PELI1: variants seen among roughly 807,000 people sequenced by gnomAD.
The protein encoded by PELI1 is E3 ubiquitin-protein ligase pellino homolog 1.
Under a neutral mutation model 41.3 loss-of-function variants are expected in PELI1, and 15 were observed. The ratio of observed to expected loss-of-function variants is 0.36; its 90% CI spans 0.24 to 0.56. The LOEUF is 0.56. PELI1 is among the 20% of genes least tolerant of loss of function. The pLI, the probability that PELI1 is intolerant of heterozygous loss-of-function variation, is 0.82. For synonymous variants in PELI1, 178 were observed against 180.1 expected (o/e 0.99, Z 0.09); for missense variants, 403 against 525.5 (o/e 0.77, Z 2.28).
Position 64,137,477 on chromosome 2 carries a change from T to C in PELI1, c.-70+6604A>G, listed in dbSNP as rs578112156. 3.9e-5 allele frequency among the ~76,000 whole-genome samples: 6 copies of C among 152,176 alleles called. No homozygotes were observed. The South Asian group carries it at 1.0e-3, about 26-fold the overall frequency. On this transcript the variant is annotated intron_variant, in intron 1 of 6. Transcript: ENST00000358912. ...ACTTAGTATTAAGAATTGTATATGATCTTGTATGTGTGTGTGTGTGTGCGC... is the reference window on the plus strand; with the variant it reads ...ACTTAGTATTAAGAATTGTATATGACCTTGTATGTGTGTGTGTGTGTGCGC...
In PELI1 at chr2:64,130,664, T is replaced by G. The variant is rs1415601497; in HGVS notation, c.-70+13417A>C. Reference sequence around the variant, plus strand: ...AATAAGGGAAAGACATTAAAAAGTTTGCTAAATTAGATCTTACGAAATCTT... The same window carrying G: ...AATAAGGGAAAGACATTAAAAAGTTGGCTAAATTAGATCTTACGAAATCTT... On this transcript the variant is annotated intron_variant, in intron 1 of 6. Coordinates refer to ENST00000358912, the MANE Select transcript of PELI1 (RefSeq NM_020651.4). Among the ~76,000 whole-genome samples the G allele has an allele frequency of 2.0e-5, 3 of 152,228 alleles. No individual in the cohort carries two copies. In the South Asian group the frequency reaches 6.2e-4, roughly 31 times the overall value.
At chr2:64,117,391 C>T (rs1199293876) in intron 1 of PELI1, among the ~76,000 whole-genome samples, 1 of 151,080 alleles carries the variant, frequency 6.6e-6, no homozygotes, top group African/African-American at 2.4e-5. Context: ...CCTGGAAATA[C>T]AATCAAAGAC....
At chr2:64,109,805 T>A (rs1680744946) in intron 1 of PELI1, among the ~76,000 whole-genome samples, 3 of 152,142 alleles carry the variant, frequency 2.0e-5, no homozygotes, top group Admixed American at 6.5e-5. Context: ...CAGTGGAAAT[T>A]ACTCGATCTG....
chr2:64,122,784 T>C (rs990337653), intron 1 of PELI1, among the ~76,000 whole-genome samples: 1 of 152,178 alleles, frequency 6.6e-6, no homozygotes, highest in Non-Finnish European at 1.5e-5. Context: ...AAATGTACAT[T>C]AGGCCTAAGA....
intron 1 of PELI1, among the ~76,000 whole-genome samples, chr2:64,124,731 TTCTC>T (rs1681331713): frequency 6.6e-6 from 1 of 152,204 alleles, no homozygotes; most frequent in Non-Finnish European, 1.5e-5. Context: ...TCAATGAGTG[TTCTC>T]TCTGACATCA....
At chr2:64,111,966 AAATTT>A (rs1345493165) in intron 1 of PELI1, among the ~76,000 whole-genome samples, 2 of 152,160 alleles carry the variant, frequency 1.3e-5, no homozygotes, top group Non-Finnish European at 2.9e-5. Flanking sequence ...CAATAATTAA[AAATTT>A]AATAACAATT....
intron 1 of PELI1, among the ~76,000 whole-genome samples, chr2:64,129,806 T>C (rs1681497652): frequency 6.6e-6 from 1 of 152,220 alleles, no homozygotes; most frequent in South Asian, 2.1e-4. Flanking sequence ...TAATAGAATA[T>C]AGTCTACAAT....
At chr2:64,106,910 A>C (rs533329850) in intron 2 of PELI1, among the ~76,000 whole-genome samples, 76 of 152,158 alleles carry the variant, frequency 5.0e-4, no homozygotes, top group Non-Finnish European at 9.7e-4. Flanking sequence ...TAGGGGGAAA[A>C]TAAAATTAGC....
At chr2:64,140,549 A>G (rs142380742) in intron 1 of PELI1, among the ~76,000 whole-genome samples, 12 of 152,200 alleles carry the variant, frequency 7.9e-5, no homozygotes, top group African/African-American at 2.9e-4. Context: ...TTCTGAAGGT[A>G]GGTAAGCTAA....
At chr2:64,143,452 G>A (rs12477310) in intron 1 of PELI1, 18,705 of 152,082 alleles carry the variant, frequency 0.12, 1,491 homozygotes, top group Non-Finnish European at 0.17. Context: ...AGAAGATCAA[G>A]CGTATCCATC....
intron 4 of PELI1, among the ~76,000 whole-genome samples, chr2:64,097,309 T>G (rs1030080605): frequency 2.0e-5 from 3 of 152,242 alleles, no homozygotes; most frequent in Non-Finnish European, 2.9e-5. Flanking sequence ...AATAACCTAT[T>G]TCAGAGAAAA....
intron 1 of PELI1, among the ~76,000 whole-genome samples, chr2:64,137,712 C>A (rs996749458): frequency 6.6e-6 from 1 of 152,090 alleles, no homozygotes; most frequent in Non-Finnish European, 1.5e-5. Context: ...CAAGTTACTT[C>A]CCATTTTCTT....
intron 1 of PELI1, among the ~76,000 whole-genome samples, chr2:64,131,904 A>G (rs1681569356): frequency 6.6e-6 from 1 of 152,186 alleles, no homozygotes; most frequent in Non-Finnish European, 1.5e-5. Context: ...TACAGGCATG[A>G]GCCACTGCAC....
At chr2:64,138,768 C>T (rs1281441432) in intron 1 of PELI1, among the ~76,000 whole-genome samples, 1 of 152,046 alleles carries the variant, frequency 6.6e-6, no homozygotes, top group Non-Finnish European at 1.5e-5. Context: ...AAACTGCATC[C>T]TCCTCCGAAC....
At chr2:64,101,897 G>A (rs891559592) in intron 3 of PELI1, among the ~76,000 whole-genome samples, 1 of 143,704 alleles carries the variant, frequency 7.0e-6, no homozygotes, top group Non-Finnish European at 1.5e-5. Context: ...GTGCTATCTC[G>A]GCTCACTGTA....
intron 1 of PELI1, among the ~76,000 whole-genome samples, chr2:64,123,048 G>A (rs1681275183): frequency 6.6e-6 from 1 of 152,108 alleles, no homozygotes; most frequent in Non-Finnish European, 1.5e-5. Flanking sequence ...CATTAATTTT[G>A]GAGGCAATAC....
chr2:64,127,632 A>G (rs1357123339), intron 1 of PELI1, among the ~76,000 whole-genome samples: 2 of 152,148 alleles, frequency 1.3e-5, no homozygotes, highest in African/African-American at 4.8e-5. Flanking sequence ...ATATTCATTT[A>G]ATGCTGTTTT....
intron 3 of PELI1, among the ~76,000 whole-genome samples, chr2:64,101,991 C>T (rs1477401131): frequency 3.3e-5 from 5 of 152,194 alleles, no homozygotes; most frequent in Non-Finnish European, 7.4e-5. Context: ...CCACGCCCGG[C>T]TAATTTTTTA....
chr2:64,096,128 T>C lies in PELI1; in HGVS notation c.687A>G (p.Lys229=). ...RETRSAQQRG[K]MVEIETNQLQ... is the part of the protein sequence containing the mutation. ...GAAAATACCATTCAGTATTTACCAT[T>C]TTTCCTCTCTGCTGAGCCGATCTGG... Residue 229 remains lysine, a synonymous_variant, in exon 6 of 7, where the codon AAA becomes AAG. Coordinates refer to ENST00000358912, the MANE Select transcript of PELI1 (RefSeq NM_020651.4). 6 of 1,609,396 alleles carry C rather than the reference T, an allele frequency of 3.7e-6. No individual in the cohort carries two copies. The highest frequency in any genetic ancestry group is 5.1e-6 in the Non-Finnish European group (6 of 1,176,362).
Sources: gnomAD v4.1 joint callset for allele counts (sites outside exome capture counted in the v4.1 genomes callset) on GRCh38, gnomAD v4.1.1 for gene constraint, MANE v1.5 for transcripts, NCBI Gene and HGNC (gene_info 2026-07-23, HGNC 2026-07-21) for gene names.